YTHDC2: variants seen among roughly 807,000 people sequenced by gnomAD.
YTHDC2 encodes the protein YTH N6-methyladenosine RNA binding protein C2, also known as 3'-5' RNA helicase YTHDC2.
In YTHDC2, 45 loss-of-function variants were observed where a neutral mutation model predicts 174.9. That is an observed-to-expected ratio of 0.26 (90% CI 0.20 to 0.33). The LOEUF is 0.33. Ranked by LOEUF, YTHDC2 falls within the 10% of genes least tolerant of loss-of-function variation. The probability of loss-of-function intolerance (pLI) is 1.00; values close to 1 mark genes in which losing one functional copy is unlikely to be tolerated. For synonymous variants in YTHDC2, 657 were observed against 574.5 expected (o/e 1.14, Z -2.05); for missense variants, 1,650 against 1,723.7 (o/e 0.96, Z 0.76).
chr5:113,587,536 T>C (rs1561711437), intron 26 of YTHDC2, among the ~76,000 whole-genome samples: 1 of 140,580 alleles, frequency 7.1e-6, no homozygotes, highest in Admixed American at 7.6e-5. Flanking sequence ...TATGTATTTA[T>C]ATATTAATAT....
intron 21 of YTHDC2, 133 bp from the exon 22 acceptor site, chr5:113,566,959 A>C (rs748039846): frequency 1.1e-4 from 111 of 1,021,448 alleles, no homozygotes; most frequent in Middle Eastern, 2.3e-4. Flanking sequence ...ACAACTTTCC[A>C]GAGGAGATTC....
chr5:113,574,224 C>T (rs11953034), intron 23 of YTHDC2, among the ~76,000 whole-genome samples: 17,676 of 152,088 alleles, frequency 0.12, 1,155 homozygotes, highest in African/African-American at 0.14. Context: ...AGGGCTGCTG[C>T]GGTTTGCTGG....
At position 113,563,364 on chromosome 5, in the gene YTHDC2, G is replaced by C. The variant is rs1777128830; in HGVS notation, c.2323-9G>C. On this transcript the variant is annotated splice_polypyrimidine_tract_variant and intron_variant, in intron 18 of 29. Coordinates refer to ENST00000161863, the MANE Select transcript of YTHDC2 (RefSeq NM_022828.5). ...ATTTTAAAAAATTATTTACTGTTTT[G>C]GTTTATAGGAACTTTGCTTACATAC... 6.2e-7 allele frequency: 1 copy of C among 1,600,758 alleles called. No homozygotes were observed. The highest frequency in any genetic ancestry group is 1.3e-5 in the African/African-American group (1 of 74,418).
chr5:113,555,948 T>C, intron 16 of YTHDC2, 104 bp from the exon 17 acceptor site: 1 of 623,202 alleles, frequency 1.6e-6, no homozygotes, highest in Non-Finnish European at 2.7e-6. Flanking sequence ...AAGAGAGGAC[T>C]TTGAATTAAA....
chr5:113,524,870 A>T, intron 2 of YTHDC2, 111 bp from the exon 3 acceptor site: 1 of 818,594 alleles, frequency 1.2e-6, no homozygotes, highest in Non-Finnish European at 1.8e-6. Flanking sequence ...CTCCCAAAGC[A>T]TTTTGATTTT....
At chr5:113,533,567 G>A (rs577512235) in intron 5 of YTHDC2, among the ~76,000 whole-genome samples, 3 of 151,528 alleles carry the variant, frequency 2.0e-5, no homozygotes, top group South Asian at 2.1e-4. Context: ...AAAAAATTCC[G>A]TTTCCTAGTT....
intron 26 of YTHDC2, 106 bp downstream of exon 26, chr5:113,584,585 T>A: frequency 9.6e-7 from 1 of 1,038,056 alleles, no homozygotes. Context: ...AATTGTGGCC[T>A]CTTCTAGATG....
chr5:113,548,944 A>G lies in YTHDC2; in HGVS notation c.1623-11A>G. The G allele has an allele frequency of 3.1e-6, 5 of 1,610,798 alleles. No homozygotes were observed. Among genetic ancestry groups the G allele is most frequent in the Non-Finnish European group, 4.2e-6 (5 of 1,178,430 alleles). ...TTGATGACATCTTATATATCCTTTGAATTTTGGCAGGATGGCATTGGATTG... is the reference window on the plus strand; with the variant it reads ...TTGATGACATCTTATATATCCTTTGGATTTTGGCAGGATGGCATTGGATTG... On this transcript the variant is annotated splice_polypyrimidine_tract_variant and intron_variant, in intron 11 of 29. Coordinates refer to ENST00000161863, the MANE Select transcript of YTHDC2 (RefSeq NM_022828.5).
Position 113,581,460 on chromosome 5 carries a change from T to C in YTHDC2, c.3398T>C (p.Leu1133Ser), listed in dbSNP as rs1222177974. Residue 1133 changes from leucine (L) to serine (S), a missense_variant, in exon 25 of 30, where the codon TTA becomes TCA. Physicochemically the swap from Leu to Ser is moderately radical, Grantham distance 145. Around this residue, in one of 5 missense-constraint regions of YTHDC2, gnomAD observed 913 missense variants for 940.4 expected, o/e 0.97. Transcript: ENST00000161863. Reference sequence around the variant, plus strand: ...CAGCTCAGACAGAAGTGGCATAGCTTATTTTTACGCCGAATGAGAGCTCCA... The same window carrying C: ...CAGCTCAGACAGAAGTGGCATAGCTCATTTTTACGCCGAATGAGAGCTCCA... ...LLQLRQKWHS[L>S]FLRRMRAPSK... 3 of 1,613,026 alleles carry C rather than the reference T, an allele frequency of 1.9e-6. No homozygotes were observed. In the Admixed American group the frequency reaches 5.0e-5, roughly 27 times the overall value.
intron 12 of YTHDC2, among the ~76,000 whole-genome samples, chr5:113,551,847 T>C (rs1179197397): frequency 6.6e-6 from 1 of 152,170 alleles, no homozygotes; most frequent in Non-Finnish European, 1.5e-5. Context: ...CTAAATTCTT[T>C]AAGAGAGATT....
intron 12 of YTHDC2, among the ~76,000 whole-genome samples, chr5:113,552,381 A>C (rs1177066700): frequency 1.3e-5 from 2 of 152,162 alleles, no homozygotes; most frequent in African/African-American, 2.4e-5. Context: ...ACCAACCACT[A>C]ATCTACTTCC....
intron 23 of YTHDC2, among the ~76,000 whole-genome samples, chr5:113,573,922 C>T (rs369455972): frequency 1.8e-4 from 28 of 152,278 alleles, no homozygotes; most frequent in African/African-American, 3.4e-4. Context: ...TTTAGCTCAG[C>T]GAAGTTTGTT....
At chr5:113,580,309 G>T (rs960121516) in intron 24 of YTHDC2, among the ~76,000 whole-genome samples, 1 of 152,124 alleles carries the variant, frequency 6.6e-6, no homozygotes, top group African/African-American at 2.4e-5. Flanking sequence ...ATATAAGAAA[G>T]TATTGAGTAT....
chr5:113,534,525 T>C, intron 6 of YTHDC2, 118 bp downstream of exon 6: 1 of 770,502 alleles, frequency 1.3e-6, no homozygotes, highest in African/African-American at 1.7e-5. Context: ...TGGAATAGGG[T>C]AGAAAAGAGA....
rs1248713603 is a variant in YTHDC2 at position 113,579,711 on chromosome 5, G to A, written c.3354+16G>A. ...GGAGCCAGAGGTAAGTTGCTTTCAAGTAGTGTAATAAATTTCTTTCATTCA... is the reference window on the plus strand; with the variant it reads ...GGAGCCAGAGGTAAGTTGCTTTCAAATAGTGTAATAAATTTCTTTCATTCA... On this transcript the variant is annotated intron_variant, in intron 24 of 29. Coordinates refer to ENST00000161863, the MANE Select transcript of YTHDC2 (RefSeq NM_022828.5). 1 of 1,588,842 alleles carries A rather than the reference G, an allele frequency of 6.3e-7. No homozygotes were observed. The highest frequency in any genetic ancestry group is 1.4e-5 in the African/African-American group (1 of 73,580).
chr5:113,519,388 A>C (rs1026541595), intron 2 of YTHDC2, among the ~76,000 whole-genome samples: 6 of 152,192 alleles, frequency 3.9e-5, no homozygotes, highest in African/African-American at 1.2e-4. Flanking sequence ...TTAGTCCTAA[A>C]GGCTCACTTT....
At chr5:113,562,976 A>G (rs1456168007) in intron 18 of YTHDC2, among the ~76,000 whole-genome samples, 10 of 152,172 alleles carry the variant, frequency 6.6e-5, no homozygotes, top group Admixed American at 6.5e-4. Flanking sequence ...CTTTTTCTCC[A>G]ATTTGCACAG....
In YTHDC2 at chr5:113,526,778, C is replaced by G. The variant is rs1330685358; in HGVS notation, c.668C>G (p.Thr223Ser). 2 of 1,390,962 alleles carry G rather than the reference C, an allele frequency of 1.4e-6. No homozygotes were observed. Among genetic ancestry groups the G allele is most frequent in the Non-Finnish European group, 1.9e-6 (2 of 1,064,182 alleles). The allele number at this position is 1,390,962 out of a possible 1,614,324, so 86.2% of individuals were successfully genotyped here. A position where few individuals can be genotyped will look rare whatever the true frequency, so the allele number is the denominator to read the frequency against. Reference sequence around the variant, plus strand: ...GTAGGAGAAACTGGGTCTGGAAAGACCACACAGGTTTGTTTCTTTTTTGTT... The same window carrying G: ...GTAGGAGAAACTGGGTCTGGAAAGAGCACACAGGTTTGTTTCTTTTTTGTT... ...LIVGETGSGK[T>S]TQIPQFLLDD... Residue 223 changes from threonine to serine, a missense_variant, in exon 4 of 30, where the codon ACC becomes AGC. Physicochemically the swap from Thr to Ser is moderately conservative, Grantham distance 58. Transcript: ENST00000161863.
chr5:113,539,083 G>C lies in YTHDC2; in HGVS notation c.1112G>C (p.Arg371Thr). 1 of 1,402,340 alleles carries C rather than the reference G, an allele frequency of 7.1e-7. No homozygotes were observed. The highest frequency in any genetic ancestry group is 9.6e-7 in the Non-Finnish European group (1 of 1,042,746). The allele number at this position is 1,402,340 out of a possible 1,614,324, so 86.9% of individuals were successfully genotyped here. ...TTTTTTTATTATTTAGTACAGGGAAGACCATTTGAAGTAAAAGAAATGTTT... is the reference window on the plus strand; with the variant it reads ...TTTTTTTATTATTTAGTACAGGGAACACCATTTGAAGTAAAAGAAATGTTT... ...GSCPVIYIQGRPFEVKEMFLE... is the reference protein window; with the variant it reads ...GSCPVIYIQGTPFEVKEMFLE... Residue 371 changes from arginine (R) to threonine (T), a missense_variant, in exon 8 of 30, where the codon AGA becomes ACA. By Grantham distance (71) the Arg-to-Thr change is moderately conservative. Transcript: ENST00000161863.
Sources: gnomAD v4.1 joint callset for allele counts (sites outside exome capture counted in the v4.1 genomes callset) on GRCh38, gnomAD v4.1.1 for gene constraint, gnomAD v4.1.1 regional missense constraint, MANE v1.5 for transcripts, NCBI Gene and HGNC (gene_info 2026-07-23, HGNC 2026-07-21) for gene names.